ARHGEF9: variants seen among roughly 807,000 people sequenced by gnomAD.
ARHGEF9 encodes Cdc42 guanine nucleotide exchange factor 9, also known as rho guanine nucleotide exchange factor 9.
In ARHGEF9, 2 loss-of-function variants were observed where a neutral mutation model predicts 41.3. The observed-to-expected ratio is 0.05, with a 90% CI of 0.02 to 0.15. The LOEUF is 0.15. Among genes scored for constraint, ARHGEF9 ranks in the 10% least tolerant of loss-of-function variants. The pLI, the probability that ARHGEF9 is intolerant of heterozygous loss-of-function variation, is 1.00. For missense variants in ARHGEF9, 225 were observed against 424.7 expected (o/e 0.53, Z 4.13); for synonymous variants, 160 against 154.4 (o/e 1.04, Z -0.27).
At chrX:63,695,812 G>C (rs1281331210) in intron 4 of ARHGEF9, among the ~76,000 whole-genome samples, 1 of 111,486 alleles carries the variant, frequency 9.0e-6, no homozygotes, top group East Asian at 2.8e-4. Flanking sequence ...TGTAATTTTA[G>C]TACACACTAG....
intron 1 of ARHGEF9, among the ~76,000 whole-genome samples, chrX:63,745,924 C>T (rs1275087396): frequency 1.8e-5 from 2 of 112,014 alleles, no homozygotes; most frequent in African/African-American, 3.2e-5. Context: ...CTGTCCCATG[C>T]CCATTTCAAC....
rs1444253314 is a variant in ARHGEF9, at chrX:63,650,404, G to T, written c.1321+5090C>A. On this transcript the variant is annotated intron_variant, in intron 8 of 9. Transcript: ENST00000671741. ...CATGGATGGAACTGGAGGATATTAT[G>T]TTAAGTGAAATAAGATTATTTTCCC... 2.7e-5 allele frequency among the ~76,000 whole-genome samples: 3 copies of T among 111,338 alleles called. No homozygotes were observed. The Admixed American group carries it at 2.9e-4, about 11-fold the overall frequency.
Position 63,724,543 on chromosome X carries a change from T to G in ARHGEF9, c.199A>C (p.Ser67Arg). The G allele has an allele frequency of 8.3e-7, 1 of 1,211,145 alleles. No individual in the cohort carries two copies. The highest frequency in any genetic ancestry group is 1.1e-6 in the Non-Finnish European group (1 of 895,386). Residue 67 changes from serine to arginine, a missense_variant, in exon 2 of 10, where the codon AGC (serine) becomes CGC (arginine). By Grantham distance (110) the Ser-to-Arg change is moderately radical. This residue lies in a region of ARHGEF9 where 114 missense variants were observed against 197.9 expected (regional missense o/e 0.58). Coordinates refer to ENST00000671741, the MANE Select transcript of ARHGEF9 (RefSeq NM_001353921.2). ...AGACTGACACTCACCCTCACAAAGC[T>G]GGCAGGAAACCATCCCTCCTCATCG... The part of the protein sequence containing the change: ...IDDEEGWFPA[S>R]FVRLWVNQED...
At chrX:63,707,044 G>A (rs1378776170) in intron 2 of ARHGEF9, among the ~76,000 whole-genome samples, 3 of 111,945 alleles carry the variant, frequency 2.7e-5, no homozygotes, top group Non-Finnish European at 5.6e-5. Flanking sequence ...GCAATATACT[G>A]TATTCAGCCC....
At chrX:63,771,809 C>G (rs2056209880) in intron 1 of ARHGEF9, among the ~76,000 whole-genome samples, 1 of 111,340 alleles carries the variant, frequency 9.0e-6, no homozygotes, top group Admixed American at 9.5e-5. Flanking sequence ...TCAAGTGATC[C>G]ACCTGCCTCA....
chrX:63,712,132 C>T (rs782653210), intron 2 of ARHGEF9, among the ~76,000 whole-genome samples: 6 of 111,878 alleles, frequency 5.4e-5, no homozygotes, highest in Non-Finnish European at 7.5e-5. Context: ...CAAGTATTGA[C>T]GAGCATGTGA....
At chrX:63,726,701 CAAT>C (rs2147637692) in intron 1 of ARHGEF9, 1 of 111,315 alleles carries the variant, frequency 9.0e-6, no homozygotes, top group East Asian at 2.8e-4. Context: ...GTCCTTCAGC[CAAT>C]AACACAAGTA....
At chrX:63,695,840 G>A (rs1340094433) in intron 4 of ARHGEF9, among the ~76,000 whole-genome samples, 1 of 111,421 alleles carries the variant, frequency 9.0e-6, no homozygotes, top group East Asian at 2.8e-4. Context: ...GTGTCTACAT[G>A]ATGAGCCCAC....
At chrX:63,692,899 T>C (rs2051449643) in intron 4 of ARHGEF9, among the ~76,000 whole-genome samples, 1 of 111,957 alleles carries the variant, frequency 8.9e-6, no homozygotes, top group Non-Finnish European at 1.9e-5. Context: ...AATCCTGTCA[T>C]TTGCAGCAAC....
intron 4 of ARHGEF9, among the ~76,000 whole-genome samples, chrX:63,680,891 AAC>A (rs1569464467): frequency 9.0e-6 from 1 of 111,271 alleles, no homozygotes; most frequent in East Asian, 2.8e-4. Flanking sequence ...CAACAACAAC[AAC>A]AAAAAACATG....
chrX:63,656,429 T>G (rs1284566017), intron 7 of ARHGEF9: 1 of 112,006 alleles, frequency 8.9e-6, no homozygotes, highest in South Asian at 3.8e-4. Flanking sequence ...AAAATTGGAT[T>G]AATCCTAACC....
chrX:63,685,109 G>C (rs782683435), intron 4 of ARHGEF9, among the ~76,000 whole-genome samples: 17 of 111,016 alleles, frequency 1.5e-4, no homozygotes, highest in Non-Finnish European at 3.0e-4. Flanking sequence ...TTTGCTAAGA[G>C]AGTAAATTTT....
chrX:63,758,597 A>G (rs2055975435), intron 1 of ARHGEF9, among the ~76,000 whole-genome samples: 1 of 111,693 alleles, frequency 9.0e-6, no homozygotes, highest in Non-Finnish European at 1.9e-5. Flanking sequence ...GCTACATAGA[A>G]CCTACAGTAG....
At chrX:63,720,676 C>A (rs1556413164) in intron 2 of ARHGEF9, among the ~76,000 whole-genome samples, 1 of 112,026 alleles carries the variant, frequency 8.9e-6, no homozygotes, top group Non-Finnish European at 1.9e-5. Flanking sequence ...GAAAGCAAGT[C>A]ATTTCCATTT....
Position 63,651,867 on chromosome X carries a change from C to T in ARHGEF9, c.1321+3627G>A, listed in dbSNP as rs183249848. On this transcript the variant is annotated intron_variant, in intron 8 of 9. Transcript: ENST00000671741. ...AAAAGAATGAGTAAAGGGTATGAGG[C>T]AATTCACAAAAGAAATGAAAATAGC... is the stretch of plus-strand genomic sequence containing the variant. Among the ~76,000 whole-genome samples the T allele has an allele frequency of 4.7e-4, 50 of 106,160 alleles. No homozygotes were observed. The East Asian group carries it at 0.011, about 23-fold the overall frequency. The allele number at this position is 106,160 out of a possible 115,157, so 92.2% of individuals were successfully genotyped here. A position where few individuals can be genotyped will look rare whatever the true frequency, so the allele number is the denominator to read the frequency against.
At chrX:63,713,667 C>A (rs1556408306) in intron 2 of ARHGEF9, among the ~76,000 whole-genome samples, 1 of 105,900 alleles carries the variant, frequency 9.4e-6, no homozygotes, top group East Asian at 3.0e-4. Flanking sequence ...CTGAGAGGAA[C>A]CTGGTTAGTT....
rs1416429578 is a variant in ARHGEF9 at position 63,635,591 on chromosome X, T to C, written c.*2437A>G. ...CTCCAACCAATGGGGAAATGATTTC[T>C]TGTTGTTCACAAATTAGTGGCATCA... On this transcript the variant is annotated 3_prime_UTR_variant, in exon 10 of 10. Transcript: ENST00000671741. 5.0e-5 allele frequency: 21 copies of C among 417,658 alleles called. No homozygotes were observed. The South Asian group carries it at 7.2e-4, about 14-fold the overall frequency. 34.4% of individuals were successfully genotyped at this position (417,658 alleles called of 1,213,427 possible).
In ARHGEF9 at chrX:63,785,131, C is replaced by T. The variant is rs782616156; in HGVS notation, c.15G>A (p.Arg5=). 3.4e-6 allele frequency: 4 copies of T among 1,165,673 alleles called. No homozygotes were observed. The South Asian group carries it at 7.6e-5, about 22-fold the overall frequency. Residue 5 remains arginine, a synonymous_variant, in exon 1 of 10, where the codon AGG becomes AGA. Transcript: ENST00000671741. MQWI[R]GGSGMLITGD... is the part of the protein sequence containing the mutation. Reference sequence around the variant, plus strand: ...ATGCACTCACCATTCCCGATCCGCCCCTTATCCACTGCATGGTGCTTGCGA... The same window carrying T: ...ATGCACTCACCATTCCCGATCCGCCTCTTATCCACTGCATGGTGCTTGCGA...
chrX:63,749,337 C>T (rs782010386), intron 1 of ARHGEF9, among the ~76,000 whole-genome samples: 13 of 110,503 alleles, frequency 1.2e-4, no homozygotes, highest in African/African-American at 4.3e-4. Flanking sequence ...GTTCAAGTGA[C>T]TCTCCTGCCT....
Sources: allele counts gnomAD v4.1 joint callset (sites outside exome capture counted in the v4.1 genomes callset), GRCh38; gene constraint gnomAD v4.1.1; regional missense constraint gnomAD v4.1.1; transcripts MANE v1.5; gene names NCBI Gene and HGNC (gene_info 2026-07-23, HGNC 2026-07-21).